The following GRIN3A variants were observed in gnomAD, a reference collection of about 807,000 sequenced individuals.
The protein encoded by GRIN3A is glutamate receptor ionotropic, NMDA 3A.
Under a neutral mutation model 92.4 loss-of-function variants are expected in GRIN3A, and 47 were observed. The observed-to-expected ratio is 0.51, with a 90% CI of 0.40 to 0.65. The LOEUF is 0.65. GRIN3A is among the 30% of genes least tolerant of loss of function. The probability of loss-of-function intolerance (pLI) is 0.00; values close to 1 mark genes in which losing one functional copy is unlikely to be tolerated. For missense variants in GRIN3A, 1,324 were observed against 1,393.1 expected (o/e 0.95, Z 0.79); for synonymous variants, 527 against 540.6 (o/e 0.97, Z 0.35).
At chr9:101,602,557 C>T (rs578012955) in intron 6 of GRIN3A, among the ~76,000 whole-genome samples, 2 of 152,262 alleles carry the variant, frequency 1.3e-5, no homozygotes, top group Admixed American at 6.5e-5. Flanking sequence ...ACCGTTCATA[C>T]CTTTTAGTTG....
chr9:101,712,776 T>C (rs567896569), intron 1 of GRIN3A, among the ~76,000 whole-genome samples: 15 of 152,208 alleles, frequency 9.9e-5, no homozygotes, highest in Non-Finnish European at 1.6e-4. Flanking sequence ...AGATCGTTAT[T>C]CCATGTAACA....
chr9:101,675,837 C>T (rs1829388500), intron 2 of GRIN3A, among the ~76,000 whole-genome samples: 1 of 151,864 alleles, frequency 6.6e-6, no homozygotes, highest in Admixed American at 6.6e-5. Context: ...GAAATGTTAA[C>T]TGCAGTTAAT....
rs1389786203 is a variant in GRIN3A, at chr9:101,613,463, T to C, written c.2679A>G (p.Gln893=). Residue 893 remains glutamine, a synonymous_variant, in exon 6 of 9, where the codon CAA becomes CAG. Transcript: ENST00000361820. The part of the protein sequence containing the change: ...LTANISELIS[Q]YKSHGFMDML... The stretch of plus-strand genomic sequence containing the variant: ...TATCCATAAACCCATGTGACTTGTA[T>C]TGACTGATTAGCTCGGATATGTTGG... 2 of 1,614,196 alleles carry C rather than the reference T, an allele frequency of 1.2e-6. No homozygotes were observed. Among genetic ancestry groups the C allele is most frequent in the Admixed American group, 3.3e-5 (2 of 60,032 alleles).
At chr9:101,584,753 G>A (rs1248042155) in intron 6 of GRIN3A, among the ~76,000 whole-genome samples, 1 of 152,216 alleles carries the variant, frequency 6.6e-6, no homozygotes, top group East Asian at 1.9e-4. Flanking sequence ...TCTCTGACCA[G>A]ATCAGTAACA....
chr9:101,628,146 C>A, intron 4 of GRIN3A, 110 bp downstream of exon 4: 2 of 999,964 alleles, frequency 2.0e-6, no homozygotes, highest in Non-Finnish European at 1.6e-6. Flanking sequence ...CTTAACACAA[C>A]GTGGGTATAT....
At chr9:101,698,648 A>G (rs1219386392) in intron 1 of GRIN3A, among the ~76,000 whole-genome samples, 2 of 152,124 alleles carry the variant, frequency 1.3e-5, no homozygotes, top group East Asian at 3.9e-4. Context: ...AACACTGTAC[A>G]TTTAGGCTAC....
At chr9:101,607,645 G>A (rs1046306469) in intron 6 of GRIN3A, among the ~76,000 whole-genome samples, 6 of 152,182 alleles carry the variant, frequency 3.9e-5, no homozygotes, top group African/African-American at 1.4e-4. Context: ...CTAAAGCTGA[G>A]CTGGATTAAG....
chr9:101,714,020 C>T (rs887252923), intron 1 of GRIN3A, among the ~76,000 whole-genome samples: 3 of 152,128 alleles, frequency 2.0e-5, no homozygotes, highest in African/African-American at 7.2e-5. Flanking sequence ...GAGTAAGATC[C>T]TGTTTCTGAA....
rs555369347 is a variant in GRIN3A, at chr9:101,692,250, CTA to C, written c.700-5052_700-5051del. Reference sequence around the variant, plus strand: ...GGAGAGGCTGTTTATTTGGGAGATACTATGTTTACAGTAGAGTCCTCCCCACA... The same window carrying C: ...GGAGAGGCTGTTTATTTGGGAGATACTGTTTACAGTAGAGTCCTCCCCACA... On this transcript the variant is annotated intron_variant, in intron 1 of 8. Transcript: ENST00000361820. Among the ~76,000 whole-genome samples, 300 of 152,188 alleles carry C rather than the reference CTA, an allele frequency of 2.0e-3. 1 individual carries two copies. The highest frequency in any genetic ancestry group is 3.3e-3 in the Admixed American group (51 of 15,266).
chr9:101,664,114 G>A (rs1829209553), intron 3 of GRIN3A, among the ~76,000 whole-genome samples: 1 of 151,820 alleles, frequency 6.6e-6, no homozygotes, highest in African/African-American at 2.4e-5. Context: ...AATGTCCTGT[G>A]AGTGCCCAGA....
At chr9:101,625,525 G>A (rs931191836) in intron 4 of GRIN3A, among the ~76,000 whole-genome samples, 11 of 152,266 alleles carry the variant, frequency 7.2e-5, no homozygotes, top group South Asian at 4.1e-4. Flanking sequence ...ACCAATGACC[G>A]TTGCTTTCTT....
At chr9:101,673,616 C>T (rs1829357505) in intron 2 of GRIN3A, among the ~76,000 whole-genome samples, 1 of 152,238 alleles carries the variant, frequency 6.6e-6, no homozygotes, top group Non-Finnish European at 1.5e-5. Context: ...TAAATGCTCA[C>T]TAAATTAGTT....
chr9:101,638,142 C>A (rs1259724221), intron 3 of GRIN3A, among the ~76,000 whole-genome samples: 1 of 152,150 alleles, frequency 6.6e-6, no homozygotes, highest in African/African-American at 2.4e-5. Flanking sequence ...TTTCCTGAGC[C>A]TCTGGATGTA....
chr9:101,658,760 G>GTCTATCTGTCTA (rs1829126361), intron 3 of GRIN3A, among the ~76,000 whole-genome samples: 1 of 151,336 alleles, frequency 6.6e-6, no homozygotes, highest in African/African-American at 2.4e-5. Context: ...CTGTCTATCT[G>GTCTATCTGTCTA]TCTATCTATC....
intron 3 of GRIN3A, among the ~76,000 whole-genome samples, chr9:101,660,412 G>C (rs1332726255): frequency 6.6e-6 from 1 of 151,728 alleles, no homozygotes; most frequent in Non-Finnish European, 1.5e-5. Flanking sequence ...CAATCCTACT[G>C]GTCTCATGTT....
rs767540819 is a variant in GRIN3A at position 101,687,029 on chromosome 9, G to C, written c.871C>G (p.Leu291Val). 6.2e-7 allele frequency: 1 copy of C among 1,614,100 alleles called. No individual in the cohort carries two copies. Among genetic ancestry groups the C allele is most frequent in the South Asian group, 1.1e-5 (1 of 91,072 alleles). Residue 291 changes from leucine to valine, a missense_variant, in exon 2 of 9, where the codon CTT becomes GTT. Transcript: ENST00000361820. ...GCGGTGATGTTGATGATAGAACCAA[G>C]GTGGAACTTGGAATTATTCTGGGTA... is the stretch of plus-strand genomic sequence containing the variant. ...LLTQNNSKFH[L>V]GSIINITANL...
intron 3 of GRIN3A, among the ~76,000 whole-genome samples, chr9:101,641,687 G>A (rs919535661): frequency 2.6e-5 from 4 of 151,610 alleles, no homozygotes; most frequent in African/African-American, 9.7e-5. Context: ...GCTAAATGAC[G>A]AGTTAATGGG....
intron 6 of GRIN3A, among the ~76,000 whole-genome samples, chr9:101,605,634 G>A (rs182756247): frequency 5.9e-5 from 9 of 152,332 alleles, no homozygotes; most frequent in Admixed American, 5.9e-4. Flanking sequence ...GTCAGATGGA[G>A]GCTGGTGGTT....
intron 5 of GRIN3A, among the ~76,000 whole-genome samples, chr9:101,617,512 C>G (rs1307100693): frequency 1.3e-5 from 2 of 152,090 alleles, no homozygotes; most frequent in Non-Finnish European, 2.9e-5. Context: ...TCACTCCACT[C>G]GATCATGTCT....
Sources: allele counts gnomAD v4.1 joint callset (sites outside exome capture counted in the v4.1 genomes callset), GRCh38; gene constraint gnomAD v4.1.1; transcripts MANE v1.5; gene names NCBI Gene and HGNC (gene_info 2026-07-23, HGNC 2026-07-21).